The following COL28A1 variants were observed in gnomAD, a reference collection of about 807,000 sequenced individuals.
The protein encoded by COL28A1 is collagen type XXVIII alpha 1 chain.
COL28A1 carries 161 observed loss-of-function variants against 150.2 expected under a neutral mutation model. The observed-to-expected ratio is 1.07, with a 90% CI of 0.94 to 1.22. The LOEUF (loss-of-function observed/expected upper bound fraction) is 1.22, where lower values mean the gene tolerates loss of function less well. Ranked by LOEUF, COL28A1 falls within the 50% of genes most tolerant of loss-of-function variation. The pLI is 0.00. For synonymous variants in COL28A1, 552 were observed against 469.7 expected, an observed-to-expected ratio of 1.18 and a Z score of -2.26; for missense variants, 1,617 against 1,388.3, an observed-to-expected ratio of 1.16 and a Z score of -2.62.
chr7:7,509,274 G>A (rs78601119), intron 9 of COL28A1, among the ~76,000 whole-genome samples: 12,527 of 151,958 alleles, frequency 0.082, 555 homozygotes, highest in Middle Eastern at 0.15. Context: ...GGAATTACAG[G>A]CACATGTCCA....
intron 5 of COL28A1, among the ~76,000 whole-genome samples, chr7:7,520,964 T>A (rs1398315559): frequency 6.6e-6 from 1 of 152,168 alleles, no homozygotes; most frequent in African/African-American, 2.4e-5. Flanking sequence ...GAGAAAAACA[T>A]CCCTTGATTG....
the COL28A1 span, among the ~76,000 whole-genome samples, chr7:7,542,970 G>A: frequency 1.3e-5 from 2 of 152,110 alleles, no homozygotes; most frequent in African/African-American, 4.8e-5. Flanking sequence ...CCAGCAGTCT[G>A]CCAAAAAGTA....
Position 7,506,050 on chromosome 7 carries a change from T to A in COL28A1, c.990A>T (p.Pro330=). Residue 330 remains proline (P), a synonymous_variant, in exon 11 of 35, where the codon CCA becomes CCT. Transcript: ENST00000399429. ...PRGIQGITGP[P]GDPGPKGFQG... Reference sequence around the variant, plus strand: ...GAAACCCCTTTGGGCCTGGGTCTCCTGGAGGTCCAGTAATTCCCTGCTCCA... The same window carrying A: ...GAAACCCCTTTGGGCCTGGGTCTCCAGGAGGTCCAGTAATTCCCTGCTCCA... The A allele has an allele frequency of 6.9e-7, 1 of 1,458,930 alleles. No homozygotes were observed. The highest frequency in any genetic ancestry group is 9.6e-7 in the Non-Finnish European group (1 of 1,038,510). The allele number at this position is 1,458,930 out of a possible 1,614,324, so 90.4% of individuals were successfully genotyped here.
chr7:7,528,146 A>C (rs1322156814), intron 3 of COL28A1, among the ~76,000 whole-genome samples: 1 of 152,160 alleles, frequency 6.6e-6, no homozygotes, highest in African/African-American at 2.4e-5. Context: ...CGTTCAGAAA[A>C]AAAGACAAAT....
At chr7:7,398,297 AT>A (rs372269287) in intron 27 of COL28A1, among the ~76,000 whole-genome samples, 54 of 152,276 alleles carry the variant, frequency 3.5e-4, no homozygotes, top group African/African-American at 1.3e-3. Flanking sequence ...AATGTTCTCC[AT>A]TTGGAGATTG....
rs781148866 is a variant in COL28A1, at chr7:7,531,883, A to G, written c.146T>C (p.Ile49Thr). Residue 49 changes from isoleucine to threonine, a missense_variant, in exon 3 of 35, where the codon ATT becomes ACT. Coordinates refer to ENST00000399429, the MANE Select transcript of COL28A1 (RefSeq NM_001037763.3). ...DVQGSICFIDIVFIVDSSESS... is the reference protein window; with the variant it reads ...DVQGSICFIDTVFIVDSSESS... The stretch of plus-strand genomic sequence containing the variant: ...TTCAGAGCTGTCCACGATGAAGACA[A>G]TATCTATGAAACAAATGGAGCCTGA... The G allele has an allele frequency of 4.4e-6, 7 of 1,604,244 alleles. No individual in the cohort carries two copies. The highest frequency in any genetic ancestry group is 4.3e-6 in the Non-Finnish European group (5 of 1,171,852).
intron 27 of COL28A1, among the ~76,000 whole-genome samples, chr7:7,400,056 CTT>C (rs2128298307): frequency 6.6e-6 from 1 of 152,344 alleles, no homozygotes; most frequent in East Asian, 1.9e-4. Flanking sequence ...TCAGATTACT[CTT>C]CTCTTTTCCA....
At chr7:7,488,615 A>C (rs951271981) in intron 13 of COL28A1, among the ~76,000 whole-genome samples, 1 of 152,232 alleles carries the variant, frequency 6.6e-6, no homozygotes, top group African/African-American at 2.4e-5. Flanking sequence ...CTTCTCCAAC[A>C]ACAGTAAACT....
intron 11 of COL28A1, among the ~76,000 whole-genome samples, chr7:7,492,994 T>A (rs989260632): frequency 8.1e-5 from 12 of 147,968 alleles, no homozygotes; most frequent in African/African-American, 3.0e-4. Flanking sequence ...ACCTGTTATA[T>A]AATATATATA....
the COL28A1 span, among the ~76,000 whole-genome samples, chr7:7,343,482 C>T: frequency 6.6e-6 from 1 of 151,926 alleles, no homozygotes; most frequent in South Asian, 2.1e-4. Context: ...TGCACATAAT[C>T]GGCTGTTAAT....
At chr7:7,364,715 A>G (rs1487279060) in intron 33 of COL28A1, among the ~76,000 whole-genome samples, 1 of 152,170 alleles carries the variant, frequency 6.6e-6, no homozygotes, top group African/African-American at 2.4e-5. Flanking sequence ...TAAGATGGGT[A>G]GAGGAAAAAA....
At chr7:7,446,464 TTC>T (rs1244162833) in intron 18 of COL28A1, among the ~76,000 whole-genome samples, 1 of 152,120 alleles carries the variant, frequency 6.6e-6, no homozygotes, top group East Asian at 1.9e-4. Context: ...AGTCTCTACT[TTC>T]TCTCTCTCCA....
downstream of COL28A1, among the ~76,000 whole-genome samples, chr7:7,354,291 G>T (rs1445193100): frequency 6.6e-6 from 1 of 151,938 alleles, no homozygotes; most frequent in African/African-American, 2.4e-5. Context: ...ACCGCACCTG[G>T]CCAAAAAAAA....
intron 18 of COL28A1, 84 bp from the exon 19 acceptor site, chr7:7,444,573 C>A: frequency 7.5e-7 from 1 of 1,337,046 alleles, no homozygotes; most frequent in South Asian, 1.3e-5. Context: ...CTTACAGTGT[C>A]TGAGAAAAGC....
intron 33 of COL28A1, among the ~76,000 whole-genome samples, chr7:7,360,823 G>T (rs1186207747): frequency 1.3e-5 from 2 of 152,162 alleles, no homozygotes; most frequent in East Asian, 3.9e-4. Context: ...ATTTTTGGGT[G>T]CTGGGACATC....
intron 27 of COL28A1, among the ~76,000 whole-genome samples, chr7:7,401,145 T>C (rs1350708310): frequency 6.6e-6 from 1 of 151,958 alleles, no homozygotes; most frequent in African/African-American, 2.4e-5. Context: ...CTCACGTGGC[T>C]TCCAGGACAC....
chr7:7,460,173 G>A (rs966598083), intron 15 of COL28A1, among the ~76,000 whole-genome samples: 2 of 152,192 alleles, frequency 1.3e-5, no homozygotes, highest in African/African-American at 4.8e-5. Context: ...CTGAGTCACT[G>A]TAGGTTCATC....
intron 18 of COL28A1, among the ~76,000 whole-genome samples, chr7:7,448,087 T>C (rs1324586391): frequency 6.6e-6 from 1 of 152,082 alleles, no homozygotes; most frequent in Non-Finnish European, 1.5e-5. Flanking sequence ...AATCCAAAGA[T>C]AAGTAACACT....
chr7:7,524,358 C>G, intron 3 of COL28A1, 109 bp from the exon 4 acceptor site: 1 of 735,352 alleles, frequency 1.4e-6, no homozygotes, highest in Non-Finnish European at 2.3e-6. Flanking sequence ...CAAAGAATAG[C>G]AATTCAGCCT....
Sources: gnomAD v4.1 joint callset for allele counts (sites outside exome capture counted in the v4.1 genomes callset) on GRCh38, gnomAD v4.1.1 for gene constraint, MANE v1.5 for transcripts, NCBI Gene and HGNC (gene_info 2026-07-23, HGNC 2026-07-21) for gene names.